Variants in RAPGEF5 observed in about 807,000 individuals in gnomAD.
RAPGEF5 encodes Rap guanine nucleotide exchange factor 5, also known as M-Ras-regulated GEF.
In RAPGEF5, 65 loss-of-function variants were observed where a neutral mutation model predicts 125.2. The observed-to-expected ratio is 0.52, with a 90% CI of 0.43 to 0.64. RAPGEF5 has a LOEUF of 0.64. RAPGEF5 is among the 30% of genes least tolerant of loss of function. RAPGEF5 has a pLI of 0.00. For missense variants in RAPGEF5, 958 were observed against 1,048.1 expected, an observed-to-expected ratio of 0.91 and a Z score of 1.19; for synonymous variants, 391 against 385.9, an observed-to-expected ratio of 1.01 and a Z score of -0.16.
At chr7:22,204,697 C>T (rs1785359023) in intron 9 of RAPGEF5, among the ~76,000 whole-genome samples, 1 of 152,130 alleles carries the variant, frequency 6.6e-6, no homozygotes, top group African/African-American at 2.4e-5. Flanking sequence ...CTGCTGTAGC[C>T]ATCTCAGAAA....
intron 1 of RAPGEF5, among the ~76,000 whole-genome samples, chr7:22,349,694 G>A (rs1784293802): frequency 6.6e-6 from 1 of 152,166 alleles, no homozygotes; most frequent in African/African-American, 2.4e-5. Context: ...TTTACACTAA[G>A]ACTTGAAATG....
At chr7:22,349,765 G>A (rs571287640) in intron 1 of RAPGEF5, among the ~76,000 whole-genome samples, 2 of 152,260 alleles carry the variant, frequency 1.3e-5, no homozygotes, top group Admixed American at 1.3e-4. Flanking sequence ...TTTTAGACAC[G>A]ATATTGCAGA....
At chr7:22,234,664 T>C (rs76290149) in intron 7 of RAPGEF5, among the ~76,000 whole-genome samples, 1 of 152,306 alleles carries the variant, frequency 6.6e-6, no homozygotes, top group East Asian at 1.9e-4. Flanking sequence ...CTAGTTTAAA[T>C]GTATCTATTT....
At chr7:22,243,240 A>G (rs1357075438) in intron 7 of RAPGEF5, among the ~76,000 whole-genome samples, 2 of 152,052 alleles carry the variant, frequency 1.3e-5, no homozygotes, top group African/African-American at 4.8e-5. Flanking sequence ...GGGATAAAAA[A>G]GTTTTTTTTG....
chr7:22,120,152 C>T lies in RAPGEF5; in HGVS notation c.*2254G>A, dbSNP rs1215484944. On this transcript the variant is annotated 3_prime_UTR_variant, in exon 26 of 26. Transcript: ENST00000665637. The surrounding 1 kb of genome is among the most constrained non-coding windows in gnomAD (Gnocchi z 4.0). Reference sequence around the variant, plus strand: ...GACTGCACAAAATCCTCCCTTCCCTCTGCTACCCCTAGGACCACCTAACCA... The same window carrying T: ...GACTGCACAAAATCCTCCCTTCCCTTTGCTACCCCTAGGACCACCTAACCA... The T allele has an allele frequency of 6.6e-6, 1 of 152,232 alleles. No homozygotes were observed. The highest frequency in any genetic ancestry group is 1.5e-5 in the Non-Finnish European group (1 of 68,046). The allele number at this position is 152,232 out of a possible 1,614,324, so 9.4% of individuals were successfully genotyped here. A position where few individuals can be genotyped will look rare whatever the true frequency, so the allele number is the denominator to read the frequency against.
Position 22,193,983 on chromosome 7 carries a change from G to A in RAPGEF5, c.1047C>T (p.Val349=). Reference sequence around the variant, plus strand: ...AGCACTGCACTTTCTTCAGCACCAGGACGCTCTGGTCTTGCTCTTTAACCT... The same window carrying A: ...AGCACTGCACTTTCTTCAGCACCAGAACGCTCTGGTCTTGCTCTTTAACCT... ...TVQVKEQDQS[V]LVLKKVQCCG... is the part of the protein sequence containing the mutation. The change falls in exon 10 of 26, where the codon GTC becomes GTT. Residue 349 remains valine (V), a synonymous_variant. Transcript: ENST00000665637. The A allele has an allele frequency of 6.2e-7, 1 of 1,613,906 alleles. No individual in the cohort carries two copies. Among genetic ancestry groups the A allele is most frequent in the Non-Finnish European group, 8.5e-7 (1 of 1,179,862 alleles).
intron 11 of RAPGEF5, among the ~76,000 whole-genome samples, chr7:22,181,032 C>G (rs1483340555): frequency 6.6e-6 from 1 of 152,170 alleles, no homozygotes; most frequent in Non-Finnish European, 1.5e-5. Flanking sequence ...CTGGCAATGC[C>G]TTCAAATACA....
At chr7:22,263,417 C>A (rs10224482) in intron 7 of RAPGEF5, among the ~76,000 whole-genome samples, 53,978 of 151,988 alleles carry the variant, frequency 0.36, 10,397 homozygotes, top group East Asian at 0.72. Context: ...TATAATATAT[C>A]ATATCTGCAT....
intron 9 of RAPGEF5, among the ~76,000 whole-genome samples, chr7:22,197,187 G>C (rs1785166254): frequency 6.6e-6 from 1 of 152,218 alleles, no homozygotes; most frequent in African/African-American, 2.4e-5. Context: ...CTTTAGGTCA[G>C]GAGTGGGGAA....
intron 21 of RAPGEF5, among the ~76,000 whole-genome samples, chr7:22,138,057 CAACA>C (rs781407456): frequency 3.0e-4 from 45 of 151,330 alleles, no homozygotes; most frequent in Admixed American, 5.3e-4. Context: ...ACACACACCC[CAACA>C]AACAGAGGAC....
chr7:22,279,678 G>A (rs1385867499), intron 6 of RAPGEF5, among the ~76,000 whole-genome samples: 1 of 152,196 alleles, frequency 6.6e-6, no homozygotes, highest in Non-Finnish European at 1.5e-5. Context: ...AATTATGAGG[G>A]AGACTTGAAG....
intron 6 of RAPGEF5, among the ~76,000 whole-genome samples, chr7:22,273,361 G>A (rs1467190253): frequency 6.6e-6 from 1 of 151,834 alleles, no homozygotes; most frequent in Non-Finnish European, 1.5e-5. Context: ...TGGGACTACA[G>A]GCGCCCACCA....
At position 22,119,069 on chromosome 7, in the gene RAPGEF5, C is replaced by T. The variant is rs1782495423; in HGVS notation, c.*3337G>A. On this transcript the variant is annotated 3_prime_UTR_variant, in exon 26 of 26. Transcript: ENST00000665637. The surrounding 1 kb of genome is among the most constrained non-coding windows in gnomAD (Gnocchi z 4.1). ...CCAGTTTCTGAAAAGCCTGGATTGG[C>T]TGCGCCATTTAGGAACATTCAGTTC... is the stretch of plus-strand genomic sequence containing the variant. 6.6e-6 allele frequency: 1 copy of T among 152,228 alleles called. No individual in the cohort carries two copies. The highest frequency in any genetic ancestry group is 2.4e-5 in the African/African-American group (1 of 41,448). The allele number at this position is 152,228 out of a possible 1,614,324, so 9.4% of individuals were successfully genotyped here. A position where few individuals can be genotyped will look rare whatever the true frequency, so the allele number is the denominator to read the frequency against.
chr7:22,328,990 C>T (rs1488494656), intron 1 of RAPGEF5, among the ~76,000 whole-genome samples: 1 of 152,240 alleles, frequency 6.6e-6, no homozygotes, highest in Admixed American at 6.5e-5. Flanking sequence ...AAGTCATATT[C>T]AGGTTCCAAT....
At chr7:22,159,508 C>T (rs1783915863) in intron 14 of RAPGEF5, among the ~76,000 whole-genome samples, 1 of 152,170 alleles carries the variant, frequency 6.6e-6, no homozygotes, top group South Asian at 2.1e-4. Context: ...CACAACTTGA[C>T]AATGTATGTA....
chr7:22,287,339 T>C (rs371054354), intron 6 of RAPGEF5, among the ~76,000 whole-genome samples: 1 of 152,238 alleles, frequency 6.6e-6, no homozygotes, highest in Non-Finnish European at 1.5e-5. Context: ...TCCTTCAATA[T>C]GAAAACTCAT....
intron 14 of RAPGEF5, 148 bp from the exon 15 acceptor site, chr7:22,158,033 C>G: frequency 1.4e-6 from 1 of 702,380 alleles, no homozygotes; most frequent in Non-Finnish European, 2.4e-6. Context: ...TCACTATGTA[C>G]AACACATTTG....
intron 8 of RAPGEF5, among the ~76,000 whole-genome samples, chr7:22,223,479 C>T (rs1044035144): frequency 6.6e-6 from 1 of 152,168 alleles, no homozygotes; most frequent in Non-Finnish European, 1.5e-5. Context: ...GAGGCATTAG[C>T]TGAAGAGTGT....
At chr7:22,284,350 G>C (rs1782747815) in intron 6 of RAPGEF5, among the ~76,000 whole-genome samples, 1 of 152,114 alleles carries the variant, frequency 6.6e-6, no homozygotes, top group Non-Finnish European at 1.5e-5. Context: ...CATTGGATGA[G>C]GACAGATTGA....
Sources: allele counts gnomAD v4.1 joint callset (sites outside exome capture counted in the v4.1 genomes callset), GRCh38; gene constraint gnomAD v4.1.1; non-coding constraint Gnocchi (gnomAD v3.1); transcripts MANE v1.5; gene names NCBI Gene and HGNC (gene_info 2026-07-23, HGNC 2026-07-21).